Variants in KRTAP23-1 observed in about 807,000 individuals in gnomAD.
KRTAP23-1 encodes keratin-associated protein 23-1.
For missense variants in KRTAP23-1, 70 were observed against 72.7 expected (o/e 0.96, Z 0.13); for synonymous variants, 37 against 33.7 (o/e 1.10, Z -0.34).
Position 30,348,526 on chromosome 21 carries a change from A to G in KRTAP23-1, c.81T>C (p.Gly27=). The G allele has an allele frequency of 1.1e-5, 18 of 1,614,158 alleles. No homozygotes were observed. Among genetic ancestry groups the G allele is most frequent in the Non-Finnish European group, 1.4e-5 (16 of 1,180,008 alleles). Residue 27 remains glycine (G), a synonymous_variant, in exon 1 of 1, where the codon GGT becomes GGC. Transcript: ENST00000334160. ...CCAGGTTGCTGGGGTACGAGGAGCC[A>G]CCACGGGAGTAGCCTGAGTAGCACA... ...GYLCYSGYSR[G]GSSYPSNLVY...
chr21:30,348,501 C>T lies in KRTAP23-1; in HGVS notation c.106G>A (p.Val36Ile), dbSNP rs771541854. Reference sequence around the variant, plus strand: ...GAGATCAAAGGTTCAGTGCTGTAGACCAGGTTGCTGGGGTACGAGGAGCCA... The same window carrying T: ...GAGATCAAAGGTTCAGTGCTGTAGATCAGGTTGCTGGGGTACGAGGAGCCA... ...RGGSSYPSNL[V>I]YSTEPLISQH... The change falls in exon 1 of 1, where the codon GTC (valine) becomes ATC (isoleucine). Residue 36 changes from valine to isoleucine, a missense_variant. By Grantham distance (29) the Val-to-Ile change is conservative. Coordinates refer to ENST00000334160, the MANE Select transcript of KRTAP23-1 (RefSeq NM_181624.1). The T allele has an allele frequency of 6.2e-7, 1 of 1,614,096 alleles. No homozygotes were observed. Among genetic ancestry groups the T allele is most frequent in the South Asian group, 1.1e-5 (1 of 91,074 alleles).
Position 30,348,466 on chromosome 21 carries a change from C to A in KRTAP23-1, c.141G>T (p.Leu47=). 6.2e-7 allele frequency: 1 copy of A among 1,614,148 alleles called. No homozygotes were observed. The change falls in exon 1 of 1, where the codon CTG becomes CTT. Residue 47 remains leucine (L), a synonymous_variant. Transcript: ENST00000334160. ...CTTGCAGAGAGAGGAACCCAGCTGG[C>A]AGGTGCTGGGAGATCAAAGGTTCAG... The part of the protein sequence containing the change: ...YSTEPLISQH[L]PAGFLSLQGL...
In KRTAP23-1 at chr21:30,348,399, C is replaced by T. The variant is rs373713912; in HGVS notation, c.*10G>A. On this transcript the variant is annotated 3_prime_UTR_variant, in exon 1 of 1. Transcript: ENST00000334160. ...GGCAGGGGCTGGACTCCACACAGGA[C>T]ATCTGGCAGCTAGGGGTTTCCCAGC... 1.1e-5 allele frequency: 18 copies of T among 1,614,146 alleles called. No homozygotes were observed. Among genetic ancestry groups the T allele is most frequent in the Non-Finnish European group, 1.7e-6 (2 of 1,179,998 alleles).
In KRTAP23-1 at chr21:30,348,496, G is replaced by A; in HGVS notation, c.111C>T (p.Tyr37=). 1.9e-6 allele frequency: 3 copies of A among 1,614,160 alleles called. No homozygotes were observed. Among genetic ancestry groups the A allele is most frequent in the Non-Finnish European group, 1.7e-6 (2 of 1,179,984 alleles). Residue 37 remains tyrosine (Y), a synonymous_variant, in exon 1 of 1, where the codon TAC becomes TAT. Transcript: ENST00000334160. ...GCTGGGAGATCAAAGGTTCAGTGCT[G>A]TAGACCAGGTTGCTGGGGTACGAGG... is the stretch of plus-strand genomic sequence containing the variant. The part of the protein sequence containing the change: ...GGSSYPSNLV[Y]STEPLISQHL...
At position 30,348,517 on chromosome 21, in the gene KRTAP23-1, C is replaced by G. The variant is rs760011736; in HGVS notation, c.90G>C (p.Ser30=). Residue 30 remains serine, a synonymous_variant, in exon 1 of 1, where the codon TCG becomes TCC. Transcript: ENST00000334160. ...CYSGYSRGGS[S]YPSNLVYSTE... ...TGCTGTAGACCAGGTTGCTGGGGTA[C>G]GAGGAGCCACCACGGGAGTAGCCTG... The G allele has an allele frequency of 2.2e-5, 35 of 1,614,074 alleles. No homozygotes were observed. The highest frequency in any genetic ancestry group is 2.6e-5 in the Non-Finnish European group (31 of 1,180,002).
At position 30,348,544 on chromosome 21, in the gene KRTAP23-1, G is replaced by A. The variant is rs1360812351; in HGVS notation, c.63C>T (p.Tyr21=). ...SSHSCEGYLC[Y]SGYSRGGSSY... is the part of the protein sequence containing the mutation. ...AGGAGCCACCACGGGAGTAGCCTGA[G>A]TAGCACAGGTAGCCCTCACAGGAAT... is the stretch of plus-strand genomic sequence containing the variant. Residue 21 remains tyrosine (Y), a synonymous_variant, in exon 1 of 1, where the codon TAC becomes TAT. Coordinates refer to ENST00000334160, the MANE Select transcript of KRTAP23-1 (RefSeq NM_181624.1). 1.9e-6 allele frequency: 3 copies of A among 1,614,026 alleles called. No homozygotes were observed. Among genetic ancestry groups the A allele is most frequent in the East Asian group, 2.2e-5 (1 of 44,868 alleles).
rs143825532 is a variant in KRTAP23-1, at chr21:30,348,587, C to G, written c.20G>C (p.Cys7Ser). The change falls in exon 1 of 1, where the codon TGT (cysteine) becomes TCT (serine). Residue 7 changes from cysteine (C) to serine (S), a missense_variant. Physicochemically the swap from Cys to Ser is moderately radical, Grantham distance 112. Coordinates refer to ENST00000334160, the MANE Select transcript of KRTAP23-1 (RefSeq NM_181624.1). MSYNCC[C>S]GNFSSHSCEG... ...ACAGGAATGGGAGGAGAAGTTTCCACAGCAGCAGTTGTAGGACATGTTGAC... is the reference window on the plus strand; with the variant it reads ...ACAGGAATGGGAGGAGAAGTTTCCAGAGCAGCAGTTGTAGGACATGTTGAC... The G allele has an allele frequency of 8.0e-5, 129 of 1,614,106 alleles. No homozygotes were observed. The African/African-American group carries it at 1.2e-3, about 16-fold the overall frequency.
chr21:30,348,553 G>A lies in KRTAP23-1; in HGVS notation c.54C>T (p.Tyr18=). The A allele has an allele frequency of 6.2e-7, 1 of 1,614,112 alleles. No individual in the cohort carries two copies. ...CACGGGAGTAGCCTGAGTAGCACAG[G>A]TAGCCCTCACAGGAATGGGAGGAGA... ...GNFSSHSCEG[Y]LCYSGYSRGG... The change falls in exon 1 of 1, where the codon TAC becomes TAT. Residue 18 remains tyrosine, a synonymous_variant. Transcript: ENST00000334160.
At position 30,348,505 on chromosome 21, in the gene KRTAP23-1, G is replaced by A. The variant is rs760351968; in HGVS notation, c.102C>T (p.Asn34=). 7 of 1,614,138 alleles carry A rather than the reference G, an allele frequency of 4.3e-6. No individual in the cohort carries two copies. Among genetic ancestry groups the A allele is most frequent in the Non-Finnish European group, 5.9e-6 (7 of 1,179,990 alleles). Residue 34 remains asparagine (N), a synonymous_variant, in exon 1 of 1, where the codon AAC becomes AAT. Transcript: ENST00000334160. ...YSRGGSSYPS[N]LVYSTEPLIS... is the part of the protein sequence containing the mutation. ...TCAAAGGTTCAGTGCTGTAGACCAGGTTGCTGGGGTACGAGGAGCCACCAC... is the reference window on the plus strand; with the variant it reads ...TCAAAGGTTCAGTGCTGTAGACCAGATTGCTGGGGTACGAGGAGCCACCAC...
At position 30,348,574 on chromosome 21, in the gene KRTAP23-1, G is replaced by A; in HGVS notation, c.33C>T (p.Ser11=). MSYNCCCGNF[S]SHSCEGYLCY... ...ACAGGTAGCCCTCACAGGAATGGGA[G>A]GAGAAGTTTCCACAGCAGCAGTTGT... Residue 11 remains serine (S), a synonymous_variant, in exon 1 of 1, where the codon TCC becomes TCT. Transcript: ENST00000334160. 4.3e-6 allele frequency: 7 copies of A among 1,614,110 alleles called. No homozygotes were observed. Among genetic ancestry groups the A allele is most frequent in the Non-Finnish European group, 5.9e-6 (7 of 1,179,990 alleles).
Position 30,348,446 on chromosome 21 carries a change from A to C in KRTAP23-1, c.161T>G (p.Leu54Arg). 1 of 1,614,158 alleles carries C rather than the reference A, an allele frequency of 6.2e-7. No individual in the cohort carries two copies. The highest frequency in any genetic ancestry group is 1.6e-4 in the Middle Eastern group (1 of 6,062). ...SQHLPAGFLS[L>R]QGLSGDLLGN... is the part of the protein sequence containing the mutation. ...CAGCAAGTCTCCTGAAAGCCCTTGC[A>C]GAGAGAGGAACCCAGCTGGCAGGTG... is the stretch of plus-strand genomic sequence containing the variant. Residue 54 changes from leucine to arginine, a missense_variant, in exon 1 of 1, where the codon CTG (leucine) becomes CGG (arginine). By Grantham distance (102) the Leu-to-Arg change is moderately radical. Coordinates refer to ENST00000334160, the MANE Select transcript of KRTAP23-1 (RefSeq NM_181624.1).
chr21:30,348,519 A>G lies in KRTAP23-1; in HGVS notation c.88T>C (p.Ser30Pro). 2 of 1,614,132 alleles carry G rather than the reference A, an allele frequency of 1.2e-6. No homozygotes were observed. The highest frequency in any genetic ancestry group is 2.7e-5 in the African/African-American group (2 of 75,056). ...CYSGYSRGGS[S>P]YPSNLVYSTE... ...CTGTAGACCAGGTTGCTGGGGTACGAGGAGCCACCACGGGAGTAGCCTGAG... is the reference window on the plus strand; with the variant it reads ...CTGTAGACCAGGTTGCTGGGGTACGGGGAGCCACCACGGGAGTAGCCTGAG... The change falls in exon 1 of 1, where the codon TCG becomes CCG. Residue 30 changes from serine to proline, a missense_variant. Coordinates refer to ENST00000334160, the MANE Select transcript of KRTAP23-1 (RefSeq NM_181624.1).
rs1982314128 is a variant in KRTAP23-1 at position 30,348,440 on chromosome 21, C to T, written c.167G>A (p.Gly56Glu). The T allele has an allele frequency of 1.2e-5, 19 of 1,614,000 alleles. No individual in the cohort carries two copies. The highest frequency in any genetic ancestry group is 1.6e-5 in the Non-Finnish European group (19 of 1,180,008). Reference sequence around the variant, plus strand: ...GTTTCCCAGCAAGTCTCCTGAAAGCCCTTGCAGAGAGAGGAACCCAGCTGG... The same window carrying T: ...GTTTCCCAGCAAGTCTCCTGAAAGCTCTTGCAGAGAGAGGAACCCAGCTGG... ...HLPAGFLSLQ[G>E]LSGDLLGNP Residue 56 changes from glycine to glutamate, a missense_variant, in exon 1 of 1, where the codon GGG becomes GAG. Transcript: ENST00000334160.
the KRTAP23-1 span, chr21:30,348,489 C>CA: frequency 2.5e-6 from 4 of 1,614,134 alleles, no homozygotes; most frequent in Admixed American, 6.7e-5. Context: ...ATCAAAGGTT[C>CA]AGTGCTGTAG....
In KRTAP23-1 at chr21:30,348,499, G is replaced by A; in HGVS notation, c.108C>T (p.Val36=). The A allele has an allele frequency of 5.6e-6, 9 of 1,614,172 alleles. No homozygotes were observed. Among genetic ancestry groups the A allele is most frequent in the Non-Finnish European group, 7.6e-6 (9 of 1,180,000 alleles). The change falls in exon 1 of 1, where the codon GTC becomes GTT. Residue 36 remains valine, a synonymous_variant. Coordinates refer to ENST00000334160, the MANE Select transcript of KRTAP23-1 (RefSeq NM_181624.1). ...GGGAGATCAAAGGTTCAGTGCTGTA[G>A]ACCAGGTTGCTGGGGTACGAGGAGC... ...RGGSSYPSNL[V]YSTEPLISQH...
Position 30,348,587 on chromosome 21 carries a change from C to T in KRTAP23-1, c.20G>A (p.Cys7Tyr), listed in dbSNP as rs143825532. 6.2e-7 allele frequency: 1 copy of T among 1,614,106 alleles called. No homozygotes were observed. The highest frequency in any genetic ancestry group is 2.2e-5 in the East Asian group (1 of 44,852). The change falls in exon 1 of 1, where the codon TGT becomes TAT. Residue 7 changes from cysteine to tyrosine, a missense_variant. Transcript: ENST00000334160. Reference sequence around the variant, plus strand: ...ACAGGAATGGGAGGAGAAGTTTCCACAGCAGCAGTTGTAGGACATGTTGAC... The same window carrying T: ...ACAGGAATGGGAGGAGAAGTTTCCATAGCAGCAGTTGTAGGACATGTTGAC... MSYNCC[C>Y]GNFSSHSCEG...
At position 30,348,530 on chromosome 21, in the gene KRTAP23-1, C is replaced by T. The variant is rs1397301724; in HGVS notation, c.77G>A (p.Arg26His). The T allele has an allele frequency of 3.1e-6, 5 of 1,613,948 alleles. No homozygotes were observed. The highest frequency in any genetic ancestry group is 4.2e-6 in the Non-Finnish European group (5 of 1,179,998). Residue 26 changes from arginine (R) to histidine (H), a missense_variant, in exon 1 of 1, where the codon CGT becomes CAT. Arg to His is a conservative substitution (Grantham distance 29). Coordinates refer to ENST00000334160, the MANE Select transcript of KRTAP23-1 (RefSeq NM_181624.1). Reference protein sequence around the residue: ...EGYLCYSGYSRGGSSYPSNLV... With the variant: ...EGYLCYSGYSHGGSSYPSNLV... Reference sequence around the variant, plus strand: ...GTTGCTGGGGTACGAGGAGCCACCACGGGAGTAGCCTGAGTAGCACAGGTA... The same window carrying T: ...GTTGCTGGGGTACGAGGAGCCACCATGGGAGTAGCCTGAGTAGCACAGGTA...
rs140693005 is a variant in KRTAP23-1 at position 30,348,569 on chromosome 21, T to C, written c.38A>G (p.His13Arg). 163 of 1,613,958 alleles carry C rather than the reference T, an allele frequency of 1.0e-4. No homozygotes were observed. The African/African-American group carries it at 1.2e-3, about 12-fold the overall frequency. Residue 13 changes from histidine (H) to arginine (R), a missense_variant, in exon 1 of 1, where the codon CAT becomes CGT. Physicochemically the swap from His to Arg is conservative, Grantham distance 29. Coordinates refer to ENST00000334160, the MANE Select transcript of KRTAP23-1 (RefSeq NM_181624.1). ...YNCCCGNFSS[H>R]SCEGYLCYSG... ...GTAGCACAGGTAGCCCTCACAGGAA[T>C]GGGAGGAGAAGTTTCCACAGCAGCA...
chr21:30,348,414 G>T lies in KRTAP23-1; in HGVS notation c.193C>A (p.Pro65Thr). 6.2e-7 allele frequency: 1 copy of T among 1,614,094 alleles called. No individual in the cohort carries two copies. The highest frequency in any genetic ancestry group is 1.1e-5 in the South Asian group (1 of 91,088). Reference sequence around the variant, plus strand: ...CCACACAGGACATCTGGCAGCTAGGGGTTTCCCAGCAAGTCTCCTGAAAGC... The same window carrying T: ...CCACACAGGACATCTGGCAGCTAGGTGTTTCCCAGCAAGTCTCCTGAAAGC... Reference protein sequence around the residue: ...QGLSGDLLGNP With the variant: ...QGLSGDLLGNT The change falls in exon 1 of 1, where the codon CCC becomes ACC. Residue 65 changes from proline (P) to threonine (T), a missense_variant. Coordinates refer to ENST00000334160, the MANE Select transcript of KRTAP23-1 (RefSeq NM_181624.1).
Sources: allele counts gnomAD v4.1 joint callset, GRCh38; gene constraint gnomAD v4.1.1; transcripts MANE v1.5; gene names NCBI Gene and HGNC (gene_info 2026-07-23, HGNC 2026-07-21).